The following CNTLN variants were observed in gnomAD, a reference collection of about 807,000 sequenced individuals.
The protein encoded by CNTLN is centlein, also known as centlein, centrosomal protein.
A neutral mutation model predicts 180.0 loss-of-function variants in CNTLN; 212 were observed. That is an observed-to-expected ratio of 1.18 (90% CI 1.05 to 1.32). The LOEUF (loss-of-function observed/expected upper bound fraction) is 1.32. Ranked by LOEUF, CNTLN falls within the 40% of genes most tolerant of loss-of-function variation. The probability of loss-of-function intolerance (pLI) is 0.00; values close to 1 mark genes in which losing one functional copy is unlikely to be tolerated. For missense variants in CNTLN, 2,095 were observed against 1,610.9 expected, an observed-to-expected ratio of 1.30 and a Z score of -5.14; for synonymous variants, 722 against 563.1, an observed-to-expected ratio of 1.28 and a Z score of -3.99.
At chr9:17,264,480 T>G (rs1190436202) in intron 5 of CNTLN, among the ~76,000 whole-genome samples, 2 of 149,768 alleles carry the variant, frequency 1.3e-5, no homozygotes, top group East Asian at 4.3e-4. Context: ...GGTATCATGA[T>G]GCCTTCAGCT....
chr9:17,457,044 C>T (rs529820471), intron 18 of CNTLN, among the ~76,000 whole-genome samples: 9 of 152,242 alleles, frequency 5.9e-5, no homozygotes, highest in East Asian at 3.9e-4. Context: ...TAACAAGCCT[C>T]GTCTGCTAAT....
chr9:17,303,087 G>A (rs992766424), intron 7 of CNTLN, among the ~76,000 whole-genome samples: 1 of 152,156 alleles, frequency 6.6e-6, no homozygotes. Flanking sequence ...ATCCCTGTTT[G>A]TAGATCAGGT....
In CNTLN at chr9:17,502,599, GA is replaced by G. The variant is rs747411468; in HGVS notation, c.4175del (p.Lys1392ArgfsTer3). 11 of 1,411,256 alleles carry G rather than the reference GA, an allele frequency of 7.8e-6. No homozygotes were observed. Among genetic ancestry groups the G allele is most frequent in the South Asian group, 2.6e-5 (2 of 76,004 alleles). The allele number at this position is 1,411,256 out of a possible 1,614,324, so 87.4% of individuals were successfully genotyped here. A position where few individuals can be genotyped will look rare whatever the true frequency, so the allele number is the denominator to read the frequency against. On this transcript the variant is annotated frameshift_variant, in exon 26 of 26. Coordinates refer to ENST00000380647, the MANE Select transcript of CNTLN (RefSeq NM_017738.4). LOFTEE classifies it high-confidence loss of function. Reference sequence around the variant, plus strand: ...AGAAGCAGTACTGGAAAAAATAAATGAAAAAAAGAAACTAGTTGAAGGATAT... The same window carrying G: ...AGAAGCAGTACTGGAAAAAATAAATGAAAAAAGAAACTAGTTGAAGGATAT... ...LLEAVLEKIN[E>X]KKKLVEGYFT...
rs770770889 is a variant in CNTLN, at chr9:17,468,467, A to C, written c.3855+1576A>C. Among the ~76,000 whole-genome samples, 3 of 151,442 alleles carry C rather than the reference A, an allele frequency of 2.0e-5. No individual in the cohort carries two copies. The East Asian group carries it at 5.8e-4, about 29-fold the overall frequency. On this transcript the variant is annotated intron_variant, in intron 23 of 25. Transcript: ENST00000380647. ...TTTTATTATGAGTATTACCTTCATA[A>C]ATCTTGGTTTTTGTTTTATATTCAA...
chr9:17,375,335 A>G (rs1199254358), intron 13 of CNTLN, among the ~76,000 whole-genome samples: 4 of 152,222 alleles, frequency 2.6e-5, no homozygotes, highest in Non-Finnish European at 5.9e-5. Flanking sequence ...GGAAAGAACA[A>G]ATAAGACCTG....
At chr9:17,472,611 C>A (rs946711545) in intron 23 of CNTLN, among the ~76,000 whole-genome samples, 1 of 152,032 alleles carries the variant, frequency 6.6e-6, no homozygotes. Flanking sequence ...TATGTGGGTG[C>A]TTTGTGTTAC....
chr9:17,147,446 A>C (rs970881796), intron 2 of CNTLN, among the ~76,000 whole-genome samples: 20 of 152,184 alleles, frequency 1.3e-4, no homozygotes, highest in Admixed American at 6.5e-4. Context: ...CTCTATACTT[A>C]CTAATTGGGT....
intron 8 of CNTLN, among the ~76,000 whole-genome samples, chr9:17,330,051 A>C (rs903063275): frequency 1.5e-4 from 23 of 152,012 alleles, no homozygotes; most frequent in African/African-American, 5.3e-4. Flanking sequence ...TTTTCCTGTG[A>C]CTTCTGTTGT....
chr9:17,272,785 AT>A (rs776984071), intron 5 of CNTLN, among the ~76,000 whole-genome samples: 20 of 152,284 alleles, frequency 1.3e-4, no homozygotes, highest in Non-Finnish European at 2.6e-4. Context: ...CCTGCTAAGC[AT>A]AAAAATACAT....
At chr9:17,354,765 G>T (rs10963062) in intron 12 of CNTLN, among the ~76,000 whole-genome samples, 12 of 152,166 alleles carry the variant, frequency 7.9e-5, no homozygotes, top group Admixed American at 7.2e-4. Flanking sequence ...CCGAGCCAGC[G>T]TTGGCAACCC....
intron 14 of CNTLN, 52 bp downstream of exon 14, chr9:17,388,305 C>A: frequency 8.5e-7 from 1 of 1,180,534 alleles, no homozygotes; most frequent in Non-Finnish European, 1.2e-6. Context: ...TGAATTTTAA[C>A]ATAAAGGATT....
chr9:17,487,746 C>G (rs748086003), intron 25 of CNTLN, among the ~76,000 whole-genome samples: 2 of 152,056 alleles, frequency 1.3e-5, no homozygotes, highest in Non-Finnish European at 2.9e-5. Context: ...GCTGCTGTGA[C>G]CTGTGTGATA....
chr9:17,496,442 A>G (rs1015043440), intron 25 of CNTLN, among the ~76,000 whole-genome samples: 1 of 152,222 alleles, frequency 6.6e-6, no homozygotes. Flanking sequence ...AAGCTCTCCT[A>G]TCTCTTTTTA....
At chr9:17,424,390 CT>C (rs1226577320) in intron 18 of CNTLN, among the ~76,000 whole-genome samples, 1 of 152,032 alleles carries the variant, frequency 6.6e-6, no homozygotes, top group Admixed American at 6.6e-5. Context: ...TAAATGCTCT[CT>C]TTTTTTGTTC....
At chr9:17,246,669 T>A (rs1243447545) in intron 5 of CNTLN, among the ~76,000 whole-genome samples, 1 of 152,166 alleles carries the variant, frequency 6.6e-6, no homozygotes, top group East Asian at 1.9e-4. Context: ...AGAGAAGCCA[T>A]CCGGGAGTCA....
intron 16 of CNTLN, among the ~76,000 whole-genome samples, chr9:17,413,737 G>A (rs1042462838): frequency 6.6e-6 from 1 of 152,166 alleles, no homozygotes; most frequent in Admixed American, 6.5e-5. Flanking sequence ...AAGGGACAGG[G>A]AAACTGGATC....
At chr9:17,314,527 C>T (rs949299729) in intron 8 of CNTLN, among the ~76,000 whole-genome samples, 1 of 152,174 alleles carries the variant, frequency 6.6e-6, no homozygotes, top group Non-Finnish European at 1.5e-5. Context: ...AGTGCATGAA[C>T]AGTTCATTTA....
Position 17,464,455 on chromosome 9 carries a change from G to A in CNTLN, c.3405-42G>A, listed in dbSNP as rs564251021. ...AATGTAAGATATCACCACTGTTAAG[G>A]TATTTTCTGTCACTCTTGATGTCAC... On this transcript the variant is annotated intron_variant, in intron 20 of 25. Coordinates refer to ENST00000380647, the MANE Select transcript of CNTLN (RefSeq NM_017738.4). 4 of 1,493,716 alleles carry A rather than the reference G, an allele frequency of 2.7e-6. No homozygotes were observed. In the East Asian group the frequency reaches 7.7e-5, roughly 29 times the overall value. 92.5% of individuals were successfully genotyped at this position (1,493,716 alleles called of 1,614,324 possible).
chr9:17,293,959 C>T (rs1043674841), intron 6 of CNTLN, among the ~76,000 whole-genome samples: 18 of 152,130 alleles, frequency 1.2e-4, no homozygotes, highest in African/African-American at 3.4e-4. Flanking sequence ...AGAATTGGTG[C>T]GTTCTTGGTC....
Sources: gnomAD v4.1 joint callset for allele counts (sites outside exome capture counted in the v4.1 genomes callset) on GRCh38, gnomAD v4.1.1 for gene constraint, MANE v1.5 for transcripts, NCBI Gene and HGNC (gene_info 2026-07-23, HGNC 2026-07-21) for gene names.